The following SLC35F3 variants were observed in gnomAD, a reference collection of about 807,000 sequenced individuals.
The protein encoded by SLC35F3 is solute carrier family 35 member F3.
Under a neutral mutation model 49.9 loss-of-function variants are expected in SLC35F3, and 25 were observed. The observed-to-expected ratio is 0.50, with a 90% CI of 0.37 to 0.70. SLC35F3 has a LOEUF of 0.70. Ranked by LOEUF, SLC35F3 falls within the 30% of genes least tolerant of loss-of-function variation. The pLI is 0.00. For synonymous variants in SLC35F3, 275 were observed against 265.4 expected (o/e 1.04, Z -0.35); for missense variants, 525 against 639.8 (o/e 0.82, Z 1.94).
intron 2 of SLC35F3, among the ~76,000 whole-genome samples, chr1:234,159,392 C>T (rs1357283545): frequency 6.6e-6 from 1 of 152,070 alleles, no homozygotes; most frequent in Admixed American, 6.5e-5. Flanking sequence ...GCCTGGCCAA[C>T]ATGGTGAAAC....
intron 2 of SLC35F3, among the ~76,000 whole-genome samples, chr1:234,187,904 G>A (rs1442043979): frequency 2.0e-5 from 3 of 152,154 alleles, no homozygotes; most frequent in South Asian, 2.1e-4. Context: ...CCAGAACTCC[G>A]GGTAGGGCAT....
chr1:234,289,671 T>C (rs1668477448), intron 3 of SLC35F3, among the ~76,000 whole-genome samples: 1 of 152,144 alleles, frequency 6.6e-6, no homozygotes, highest in African/African-American at 2.4e-5. Flanking sequence ...GAACCAAAAC[T>C]GTGAGCTAAG....
chr1:233,950,875 A>G (rs548267229), intron 2 of SLC35F3, among the ~76,000 whole-genome samples: 89 of 152,204 alleles, frequency 5.8e-4, no homozygotes, highest in African/African-American at 2.1e-3. Flanking sequence ...ATATCCCTGC[A>G]ATATCCCCAG....
intron 2 of SLC35F3, among the ~76,000 whole-genome samples, chr1:234,144,442 A>G (rs1341056679): frequency 6.6e-6 from 1 of 152,180 alleles, no homozygotes; most frequent in Non-Finnish European, 1.5e-5. Flanking sequence ...CCATTTGGTA[A>G]TTCTTTGCAG....
At chr1:234,247,779 A>AG (rs1667660573) in intron 3 of SLC35F3, among the ~76,000 whole-genome samples, 1 of 149,398 alleles carries the variant, frequency 6.7e-6, no homozygotes, top group African/African-American at 2.5e-5. Flanking sequence ...TGGCTGGTTC[A>AG]TTGTTCAGTG....
chr1:234,308,191 G>T (rs1239853651), intron 3 of SLC35F3, among the ~76,000 whole-genome samples: 1 of 152,150 alleles, frequency 6.6e-6, no homozygotes, highest in East Asian at 1.9e-4. Context: ...CCTAAAAATG[G>T]CCTCAGGGAG....
chr1:234,095,213 G>T (rs1040858519), intron 2 of SLC35F3, among the ~76,000 whole-genome samples: 3 of 152,208 alleles, frequency 2.0e-5, no homozygotes, highest in Admixed American at 6.5e-5. Context: ...GATTGCTGAA[G>T]AGCACCAGGG....
At chr1:234,229,956 T>G (rs1667340478) in intron 2 of SLC35F3, among the ~76,000 whole-genome samples, 1 of 152,214 alleles carries the variant, frequency 6.6e-6, no homozygotes. Context: ...TCCACATCTT[T>G]CTGCCCTGCA....
At position 234,214,565 on chromosome 1, in the gene SLC35F3, A is replaced by AAAGTGGAAGGTAATGGAAGTGGAAGTGG; in HGVS notation, c.284-16837_284-16836insGAAGTGGAAGTGGAAGTGGAAGGTAATG. ...CAACAGTCCGGTCCTGACCCTTACC[A>AAAGTGGAAGGTAATGGAAGTGGAAGTGG]AAGTGGAAGGTAATGCGCGGCCGCC... On this transcript the variant is annotated intron_variant, in intron 2 of 7. Coordinates refer to ENST00000366618, the MANE Select transcript of SLC35F3 (RefSeq NM_173508.4). The surrounding 1 kb of genome is among the most constrained non-coding windows in gnomAD (Gnocchi z 8.0). 6.4e-7 allele frequency: 1 copy of AAAGTGGAAGGTAATGGAAGTGGAAGTGG among 1,551,912 alleles called. No homozygotes were observed. Among genetic ancestry groups the AAAGTGGAAGGTAATGGAAGTGGAAGTGG allele is most frequent in the Non-Finnish European group, 8.7e-7 (1 of 1,151,446 alleles).
intron 3 of SLC35F3, among the ~76,000 whole-genome samples, chr1:234,275,073 C>G (rs535979932): frequency 1.3e-4 from 20 of 152,162 alleles, no homozygotes; most frequent in Non-Finnish European, 1.9e-4. Context: ...AATCCAAAAT[C>G]TGAAATGCTT....
intron 2 of SLC35F3, among the ~76,000 whole-genome samples, chr1:233,932,233 T>C (rs759872258): frequency 1.7e-4 from 26 of 152,018 alleles, no homozygotes; most frequent in Non-Finnish European, 7.4e-5. Context: ...CACCATGGCA[T>C]TTCTATACCT....
At chr1:233,913,973 G>C (rs1482146916) in intron 2 of SLC35F3, among the ~76,000 whole-genome samples, 3 of 152,178 alleles carry the variant, frequency 2.0e-5, no homozygotes, top group African/African-American at 7.2e-5. Flanking sequence ...CAAGGTTAAA[G>C]GATTAGGGGA....
intron 2 of SLC35F3, among the ~76,000 whole-genome samples, chr1:234,141,322 C>G (rs1362075075): frequency 1.3e-5 from 2 of 152,126 alleles, no homozygotes; most frequent in Non-Finnish European, 2.9e-5. Context: ...TGTGGAGACC[C>G]GGGCCCTAGA....
chr1:233,963,154 T>C (rs1228759089), intron 2 of SLC35F3, among the ~76,000 whole-genome samples: 4 of 152,226 alleles, frequency 2.6e-5, no homozygotes, highest in Admixed American at 6.5e-5. Context: ...GGCTTCGTTT[T>C]GTACATTTTA....
chr1:234,273,915 C>T (rs1250782744), intron 3 of SLC35F3, among the ~76,000 whole-genome samples: 5 of 152,052 alleles, frequency 3.3e-5, no homozygotes, highest in Non-Finnish European at 5.9e-5. Context: ...GACTGTGGAC[C>T]GCATACTCAT....
chr1:233,977,064 A>G (rs1558194782), intron 2 of SLC35F3, among the ~76,000 whole-genome samples: 1 of 152,122 alleles, frequency 6.6e-6, no homozygotes, highest in Non-Finnish European at 1.5e-5. Context: ...AGGACTTTCA[A>G]ATGTCACCTG....
chr1:234,183,741 A>G lies in SLC35F3; in HGVS notation c.284-47676A>G, dbSNP rs558446456. Among the ~76,000 whole-genome samples, 72 of 143,010 alleles carry G rather than the reference A, an allele frequency of 5.0e-4. 14 individuals are homozygous for G. The South Asian group carries it at 0.013, about 26-fold the overall frequency. The allele number at this position is 143,010 out of a possible 152,430, so 93.8% of individuals were successfully genotyped here. ...CTCCCATTATTTAATAATGGTGACT[A>G]TGACCCTGTAAATGTTCGTATCTCA... On this transcript the variant is annotated intron_variant, in intron 2 of 7. Transcript: ENST00000366618.
chr1:233,940,976 A>G (rs925103527), intron 2 of SLC35F3, among the ~76,000 whole-genome samples: 3 of 152,220 alleles, frequency 2.0e-5, no homozygotes, highest in Non-Finnish European at 2.9e-5. Context: ...TTCCTCATGT[A>G]GTGGATAGGC....
At chr1:234,125,044 T>C (rs1665627064) in intron 2 of SLC35F3, among the ~76,000 whole-genome samples, 1 of 152,238 alleles carries the variant, frequency 6.6e-6, no homozygotes, top group South Asian at 2.1e-4. Flanking sequence ...TTGTGTTTTA[T>C]AGCTTATTCT....
Sources: allele counts gnomAD v4.1 joint callset (sites outside exome capture counted in the v4.1 genomes callset), GRCh38; gene constraint gnomAD v4.1.1; non-coding constraint Gnocchi (gnomAD v3.1); transcripts MANE v1.5; gene names NCBI Gene and HGNC (gene_info 2026-07-23, HGNC 2026-07-21).